The following NUP58 variants were observed in gnomAD, a reference collection of about 807,000 sequenced individuals.
The protein encoded by NUP58 is nucleoporin 58, also known as nucleoporin p58/p45.
NUP58 carries 17 observed loss-of-function variants against 70.1 expected under a neutral mutation model. The observed-to-expected ratio is 0.24, with a 90% confidence interval of 0.17 to 0.36. NUP58 has a LOEUF of 0.36. Among genes scored for constraint, NUP58 ranks in the 10% least tolerant of loss-of-function variants. The pLI is 1.00. For missense variants in NUP58, 644 were observed against 701.5 expected (o/e 0.92, Z 0.93); for synonymous variants, 275 against 257.6 (o/e 1.07, Z -0.65).
At chr13:25,334,403 G>C in intron 13 of NUP58, 1 of 985,352 alleles carries the variant, frequency 1.0e-6, no homozygotes, top group Non-Finnish European at 1.2e-6. Flanking sequence ...GTTTTAAGGA[G>C]AGCCAAGACG....
chr13:25,315,124 C>T (rs2030866773), intron 5 of NUP58, among the ~76,000 whole-genome samples: 1 of 152,070 alleles, frequency 6.6e-6, no homozygotes, highest in Admixed American at 6.5e-5. Flanking sequence ...GATATATGTT[C>T]TGGCCCTCGT....
At chr13:25,326,336 C>CT (rs575333387) in intron 10 of NUP58, among the ~76,000 whole-genome samples, 11,334 of 142,004 alleles carry the variant, frequency 0.08, 1,148 homozygotes, top group African/African-American at 0.24. Flanking sequence ...AAGATACCTT[C>CT]TTTTTTTTTT....
At chr13:25,308,107 C>CTAG in intron 2 of NUP58, 159 bp downstream of exon 2, 1 of 679,532 alleles carries the variant, frequency 1.5e-6, no homozygotes, top group East Asian at 2.8e-5. Flanking sequence ...GAATTAAGGG[C>CTAG]TAGTGATAGG....
intron 1 of NUP58, among the ~76,000 whole-genome samples, chr13:25,306,819 C>T (rs2030385593): frequency 6.6e-6 from 1 of 152,102 alleles, no homozygotes; most frequent in Admixed American, 6.5e-5. Flanking sequence ...AGTTTGTTCA[C>T]TTTCACTTGT....
chr13:25,326,676 AC>A (rs902921449), intron 10 of NUP58, among the ~76,000 whole-genome samples: 36 of 152,272 alleles, frequency 2.4e-4, no homozygotes, highest in African/African-American at 8.2e-4. Flanking sequence ...TACTAAACTT[AC>A]TGAAATTCAA....
chr13:25,344,107 C>T (rs370152034), downstream of NUP58, among the ~76,000 whole-genome samples: 1 of 151,958 alleles, frequency 6.6e-6, no homozygotes, highest in Non-Finnish European at 1.5e-5. Context: ...TGAGGTCAAC[C>T]TTTTTAATAT....
At chr13:25,332,313 CATTCTACAGTGTTTT>C (rs1447628718) in intron 13 of NUP58, 1 of 985,218 alleles carries the variant, frequency 1.0e-6, no homozygotes, top group African/African-American at 1.7e-5. Flanking sequence ...TTTTTGTGGT[CATTCTACAGTGTTTT>C]ATTTGGTCCT....
At chr13:25,344,857 A>G (rs1051644118), downstream of NUP58, among the ~76,000 whole-genome samples, 25 of 152,258 alleles carry the variant, frequency 1.6e-4, no homozygotes, top group African/African-American at 4.1e-4. Flanking sequence ...TTCTGATGAT[A>G]ATATAGTAAA....
intron 1 of NUP58, chr13:25,303,046 A>G (rs2030110296): frequency 6.6e-6 from 3 of 456,300 alleles, no homozygotes; most frequent in African/African-American, 6.0e-5. Flanking sequence ...TTACATTCTT[A>G]TGAAAATAAT....
chr13:25,327,619 A>G (rs1375823912), intron 12 of NUP58, 107 bp downstream of exon 12: 22 of 638,318 alleles, frequency 3.4e-5, no homozygotes, highest in Non-Finnish European at 2.7e-5. Flanking sequence ...AAAATTACAT[A>G]TAAGTGAAAA....
Position 25,339,620 on chromosome 13 carries a change from A to G in NUP58, c.1631-345A>G, listed in dbSNP as rs73470471. Among the ~76,000 whole-genome samples, 839 of 152,306 alleles carry G rather than the reference A, an allele frequency of 5.5e-3. 7 individuals carry two copies. Among genetic ancestry groups the G allele is most frequent in the African/African-American group, 0.018 (741 of 41,568 alleles). On this transcript the variant is annotated intron_variant, in intron 15 of 15. Transcript: ENST00000381736. ...CCAGATATGTGAATGTCTCTCTTCTACATGTTGATAAAATGTTTTTGGTGG... is the reference window on the plus strand; with the variant it reads ...CCAGATATGTGAATGTCTCTCTTCTGCATGTTGATAAAATGTTTTTGGTGG...
chr13:25,323,438 A>G (rs1004306236), intron 9 of NUP58, among the ~76,000 whole-genome samples: 2 of 151,354 alleles, frequency 1.3e-5, no homozygotes, highest in Admixed American at 1.3e-4. Context: ...AGAAAAAGAG[A>G]AAAAAAAATA....
chr13:25,345,494 T>A (rs2032037907), downstream of NUP58, among the ~76,000 whole-genome samples: 1 of 114,036 alleles, frequency 8.8e-6, no homozygotes, highest in Non-Finnish European at 2.0e-5. Context: ...GCCGGACTTG[T>A]GCAGTCCATC....
downstream of NUP58, among the ~76,000 whole-genome samples, chr13:25,343,989 T>G (rs184268119): frequency 6.6e-4 from 100 of 152,096 alleles, no homozygotes; most frequent in African/African-American, 2.3e-3. Flanking sequence ...TAATGTCACA[T>G]TGCCTTCCCA....
At chr13:25,335,472 G>A (rs1334417260) in intron 13 of NUP58, 1 of 984,884 alleles carries the variant, frequency 1.0e-6, no homozygotes, top group Non-Finnish European at 1.2e-6. Context: ...TTAGGAATCA[G>A]AAAGTATAAT....
At chr13:25,325,170 G>A (rs1013278366) in intron 10 of NUP58, 102 bp downstream of exon 10, 2 of 818,410 alleles carry the variant, frequency 2.4e-6, no homozygotes, top group African/African-American at 3.5e-5. Context: ...TATGTGGAAA[G>A]GCTGAGCCAA....
chr13:25,343,202 T>G (rs1362555452), downstream of NUP58, among the ~76,000 whole-genome samples: 2 of 151,944 alleles, frequency 1.3e-5, no homozygotes, highest in Non-Finnish European at 2.9e-5. Flanking sequence ...GTTCCCATAG[T>G]CCATTGTATC....
At position 25,336,981 on chromosome 13, in the gene NUP58, CA is replaced by C; in HGVS notation, c.1482del (p.Gly495ValfsTer11). The C allele has an allele frequency of 6.2e-7, 1 of 1,607,244 alleles. No individual in the cohort carries two copies. The highest frequency in any genetic ancestry group is 8.5e-7 in the Non-Finnish European group (1 of 1,178,118). ...LGVSFGTPFG[S>X]GIGTGLQSSG... The stretch of plus-strand genomic sequence containing the variant: ...GTTAGTTTTGGAACGCCATTCGGCT[CA>C]GGTATTGGCACTGGCTTGCAATCAA... On this transcript the variant is annotated frameshift_variant, in exon 14 of 16. Coordinates refer to ENST00000381736, the MANE Select transcript of NUP58 (RefSeq NM_014089.4). LOFTEE classifies it high-confidence loss of function.
Position 25,301,804 on chromosome 13 carries a change from A to G in NUP58, c.31A>G (p.Thr11Ala). The G allele has an allele frequency of 6.2e-7, 1 of 1,613,136 alleles. No homozygotes were observed. Among genetic ancestry groups the G allele is most frequent in the Non-Finnish European group, 8.5e-7 (1 of 1,179,736 alleles). The change falls in exon 1 of 16, where the codon ACT becomes GCT. Residue 11 changes from threonine to alanine, a missense_variant. Physicochemically the swap from Thr to Ala is moderately conservative, Grantham distance 58. Transcript: ENST00000381736. ...CACAGGGTTCTCCTTCGGGTCCGGG[A>G]CTCTGGGCTCCACCACCGTGGCCGC... MSTGFSFGSG[T>A]LGSTTVAAGG...
Sources: allele counts gnomAD v4.1 joint callset (sites outside exome capture counted in the v4.1 genomes callset), GRCh38; gene constraint gnomAD v4.1.1; transcripts MANE v1.5; gene names NCBI Gene and HGNC (gene_info 2026-07-23, HGNC 2026-07-21).